The following KLHL12 variants were observed in gnomAD, a reference collection of about 807,000 sequenced individuals.
KLHL12 encodes kelch-like protein 12.
A neutral mutation model predicts 60.8 loss-of-function variants in KLHL12; 17 were observed. The observed-to-expected ratio is 0.28, with a 90% CI of 0.19 to 0.42. The LOEUF (loss-of-function observed/expected upper bound fraction) is 0.42, where lower values mean the gene tolerates loss of function less well. Ranked by LOEUF, KLHL12 falls within the 10% of genes least tolerant of loss-of-function variation. The pLI, the probability that KLHL12 is intolerant of heterozygous loss-of-function variation, is 1.00. For synonymous variants in KLHL12, 220 were observed against 250.9 expected (o/e 0.88, Z 1.16); for missense variants, 468 against 722.3 (o/e 0.65, Z 4.04).
intron 4 of KLHL12, chr1:202,912,591 C>T (rs1660398414): frequency 7.8e-7 from 1 of 1,286,466 alleles, no homozygotes; most frequent in Non-Finnish European, 1.1e-6. Context: ...AATTTTGGAC[C>T]CATGAAGGGA....
intron 4 of KLHL12, among the ~76,000 whole-genome samples, chr1:202,911,405 T>C (rs1660350581): frequency 9.8e-6 from 1 of 102,014 alleles, no homozygotes; most frequent in East Asian, 2.4e-4. Context: ...ATAGTCAATT[T>C]GGGTTAAAAA....
chr1:202,896,410 T>C (rs1330947340), intron 7 of KLHL12, among the ~76,000 whole-genome samples: 1 of 152,156 alleles, frequency 6.6e-6, no homozygotes, highest in Non-Finnish European at 1.5e-5. Flanking sequence ...AGGCTGGTCT[T>C]GAACTCCTGG....
At position 202,925,120 on chromosome 1, in the gene KLHL12, G is replaced by A. The variant is rs1434591770; in HGVS notation, c.43C>T (p.His15Tyr). The part of the protein sequence containing the change: ...MAPKDIMTNT[H>Y]AKSILNSMNS... ...ATTGAATTGAGGATGGATTTAGCAT[G>A]AGTATTTGTCATTATGTCTTTGGGG... Residue 15 changes from histidine to tyrosine, a missense_variant, in exon 2 of 12, where the codon CAT (histidine) becomes TAT (tyrosine). By Grantham distance (83) the His-to-Tyr change is moderately conservative. Transcript: ENST00000367261. 1 of 1,614,066 alleles carries A rather than the reference G, an allele frequency of 6.2e-7. No homozygotes were observed. Among genetic ancestry groups the A allele is most frequent in the Admixed American group, 1.7e-5 (1 of 60,004 alleles).
At chr1:202,918,052 T>G (rs1660575182) in intron 4 of KLHL12, 119 bp downstream of exon 4, 2 of 777,350 alleles carry the variant, frequency 2.6e-6, no homozygotes, top group Admixed American at 4.7e-5. Flanking sequence ...GTTAATGAAA[T>G]CTTTGAGCCA....
chr1:202,895,842 C>T lies in KLHL12; in HGVS notation c.940-125G>A. 1.4e-6 allele frequency: 1 copy of T among 698,550 alleles called. No individual in the cohort carries two copies. Among genetic ancestry groups the T allele is most frequent in the Non-Finnish European group, 2.4e-6 (1 of 413,604 alleles). 43.3% of individuals were successfully genotyped at this position (698,550 alleles called of 1,614,324 possible). A position where few individuals can be genotyped will look rare whatever the true frequency, so the allele number is the denominator to read the frequency against. On this transcript the variant is annotated intron_variant, in intron 7 of 11. Coordinates refer to ENST00000367261, the MANE Select transcript of KLHL12 (RefSeq NM_021633.4). This position sits in a 1 kb window ranked among gnomAD's most constrained non-coding sequence, Gnocchi z 4.2. ...TTCTTCACCTGTCATCATGAACCCT[C>T]CTTAAGTGGTTCATCCTCAAGTGGC...
chr1:202,901,458 CTTT>C (rs56658940), intron 6 of KLHL12, among the ~76,000 whole-genome samples: 5 of 142,002 alleles, frequency 3.5e-5, no homozygotes, highest in Admixed American at 7.0e-5. Context: ...ACCCAGCTAC[CTTT>C]TTTTTTTTTT....
intron 6 of KLHL12, among the ~76,000 whole-genome samples, chr1:202,903,873 C>G (rs774318971): frequency 6.6e-5 from 10 of 151,870 alleles, no homozygotes; most frequent in Non-Finnish European, 1.5e-4. Context: ...CTGCCTCAGC[C>G]TCTCAAAGTG....
chr1:202,922,091 T>A (rs1207543673), intron 2 of KLHL12, among the ~76,000 whole-genome samples: 1 of 152,212 alleles, frequency 6.6e-6, no homozygotes, highest in African/African-American at 2.4e-5. Context: ...TTCAATAAAC[T>A]ACATTTCCAT....
At chr1:202,919,328 T>G (rs6662398) in intron 3 of KLHL12, among the ~76,000 whole-genome samples, 83,138 of 152,030 alleles carry the variant, frequency 0.55, 23,563 homozygotes, top group Non-Finnish European at 0.62. Flanking sequence ...ATATCATACT[T>G]TAATATTTTG....
chr1:202,907,118 A>C (rs1252094536), intron 6 of KLHL12, among the ~76,000 whole-genome samples: 1 of 152,254 alleles, frequency 6.6e-6, no homozygotes, highest in Non-Finnish European at 1.5e-5. Flanking sequence ...AGCATATGAA[A>C]CACAGATCAC....
In KLHL12 at chr1:202,921,300, G is replaced by A. The variant is rs938934497; in HGVS notation, c.196-1392C>T. Among the ~76,000 whole-genome samples the A allele has an allele frequency of 2.6e-5, 4 of 151,944 alleles. No individual in the cohort carries two copies. In the South Asian group the frequency reaches 6.2e-4, roughly 24 times the overall value. ...AGCGATTCTCCTGCCTCAGCCGCCT[G>A]AGTAGCTGGGACTACAGGCACATGC... On this transcript the variant is annotated intron_variant, in intron 2 of 11. Transcript: ENST00000367261.
intron 6 of KLHL12, among the ~76,000 whole-genome samples, chr1:202,900,345 G>A (rs1474189116): frequency 6.6e-6 from 1 of 151,380 alleles, no homozygotes; most frequent in Non-Finnish European, 1.5e-5. Context: ...GGGGTTCGAG[G>A]CCACTTTGGG....
chr1:202,912,123 T>C (rs1265589120), intron 4 of KLHL12: 2 of 839,720 alleles, frequency 2.4e-6, no homozygotes, highest in African/African-American at 1.6e-5. Flanking sequence ...CTCACTTAAC[T>C]GTGAAAAAGA....
intron 4 of KLHL12, chr1:202,912,242 C>A: frequency 9.0e-7 from 1 of 1,107,856 alleles, no homozygotes; most frequent in Non-Finnish European, 1.4e-6. Flanking sequence ...GAGGCAGTGG[C>A]AAGAAAAGGG....
At chr1:202,904,358 A>T (rs1430351859) in intron 6 of KLHL12, among the ~76,000 whole-genome samples, 1 of 117,502 alleles carries the variant, frequency 8.5e-6, no homozygotes, top group Non-Finnish European at 2.0e-5. Flanking sequence ...ATTTATCATA[A>T]TTTTGTATAT....
intron 6 of KLHL12, among the ~76,000 whole-genome samples, chr1:202,906,904 T>C (rs920687808): frequency 6.6e-6 from 1 of 152,116 alleles, no homozygotes; most frequent in African/African-American, 2.4e-5. Flanking sequence ...TCAAGTGATC[T>C]GCCCACCTTG....
chr1:202,921,536 T>TAAGA (rs1275509599), intron 2 of KLHL12, among the ~76,000 whole-genome samples: 5 of 152,230 alleles, frequency 3.3e-5, no homozygotes. Context: ...GACTTTCTTA[T>TAAGA]GTAACATCAT....
At position 202,893,227 on chromosome 1, in the gene KLHL12, C is replaced by T; in HGVS notation, c.1580+12G>A. The T allele has an allele frequency of 3.8e-6, 6 of 1,582,936 alleles. No individual in the cohort carries two copies. Among genetic ancestry groups the T allele is most frequent in the Non-Finnish European group, 5.1e-6 (6 of 1,165,228 alleles). On this transcript the variant is annotated intron_variant, in intron 11 of 11. Coordinates refer to ENST00000367261, the MANE Select transcript of KLHL12 (RefSeq NM_021633.4). The surrounding 1 kb of genome is among the most constrained non-coding windows in gnomAD (Gnocchi z 4.1). The stretch of plus-strand genomic sequence containing the variant: ...CTACATATTGAGTCTGGATTCGTTT[C>T]TAAATCCTCACCCTGCAATTGCATA...
In KLHL12 at chr1:202,909,304, T is replaced by A; in HGVS notation, c.718-180A>T. The A allele has an allele frequency of 2.1e-6, 1 of 465,396 alleles. No individual in the cohort carries two copies. The highest frequency in any genetic ancestry group is 3.8e-6 in the Non-Finnish European group (1 of 260,924). The allele number at this position is 465,396 out of a possible 1,614,324, so 28.8% of individuals were successfully genotyped here. A position where few individuals can be genotyped will look rare whatever the true frequency, so the allele number is the denominator to read the frequency against. ...CGGTTTCCAGAAATGATTTTTAAAA[T>A]TTACTTGAAAAATAGATAACATACT... On this transcript the variant is annotated intron_variant, in intron 5 of 11. Transcript: ENST00000367261. The surrounding 1 kb of genome is among the most constrained non-coding windows in gnomAD (Gnocchi z 4.1).
Sources: allele counts gnomAD v4.1 joint callset (sites outside exome capture counted in the v4.1 genomes callset), GRCh38; gene constraint gnomAD v4.1.1; non-coding constraint Gnocchi (gnomAD v3.1); transcripts MANE v1.5; gene names NCBI Gene and HGNC (gene_info 2026-07-23, HGNC 2026-07-21).